The following CNTNAP5 variants were observed in gnomAD, a reference collection of about 807,000 sequenced individuals.
The protein encoded by CNTNAP5 is contactin associated protein family member 5, also known as contactin-associated protein-like 5.
A neutral mutation model predicts 150.2 loss-of-function variants in CNTNAP5; 72 were observed. The observed-to-expected ratio is 0.48, with a 90% CI of 0.40 to 0.58. The LOEUF is 0.58. Ranked by LOEUF, CNTNAP5 falls within the 20% of genes least tolerant of loss-of-function variation. CNTNAP5 has a pLI of 0.00. For missense variants in CNTNAP5, 1,636 were observed against 1,626.2 expected, an observed-to-expected ratio of 1.01 and a Z score of -0.10; for synonymous variants, 672 against 619.8, an observed-to-expected ratio of 1.08 and a Z score of -1.25.
chr2:124,177,118 G>A (rs1685084792), intron 1 of CNTNAP5, among the ~76,000 whole-genome samples: 1 of 152,100 alleles, frequency 6.6e-6, no homozygotes, highest in Admixed American at 6.5e-5. Context: ...AGATTGATGG[G>A]ACTATAGGTG....
intron 17 of CNTNAP5, among the ~76,000 whole-genome samples, chr2:124,785,193 G>T (rs1010734600): frequency 7.1e-4 from 108 of 152,228 alleles, no homozygotes; most frequent in Non-Finnish European, 7.4e-5. Context: ...TAGAGCAATA[G>T]GGGAAAAATT....
intron 13 of CNTNAP5, among the ~76,000 whole-genome samples, chr2:124,714,021 A>G (rs139215930): frequency 6.6e-6 from 1 of 152,224 alleles, no homozygotes; most frequent in Non-Finnish European, 1.5e-5. Context: ...TTTGGCCAAG[A>G]ATGTCTTTAG....
intron 1 of CNTNAP5, among the ~76,000 whole-genome samples, chr2:124,138,018 T>A (rs972020324): frequency 3.3e-5 from 5 of 152,072 alleles, no homozygotes; most frequent in Non-Finnish European, 7.4e-5. Context: ...CTTACCAAAA[T>A]TAGATTTCCT....
At chr2:124,050,905 G>A (rs1222305274) in intron 1 of CNTNAP5, among the ~76,000 whole-genome samples, 2 of 152,154 alleles carry the variant, frequency 1.3e-5, no homozygotes, top group African/African-American at 4.8e-5. Flanking sequence ...TTTCTTCAAA[G>A]TGTGTTAGTC....
intron 19 of CNTNAP5, among the ~76,000 whole-genome samples, chr2:124,804,407 C>T (rs1274110333): frequency 1.3e-5 from 2 of 152,144 alleles, no homozygotes; most frequent in Non-Finnish European, 1.5e-5. Context: ...GTTGTTTATG[C>T]TTTATTTTCT....
intron 3 of CNTNAP5, among the ~76,000 whole-genome samples, chr2:124,363,190 T>A (rs537923096): frequency 1.4e-4 from 21 of 152,338 alleles, no homozygotes; most frequent in African/African-American, 4.8e-4. Context: ...CTGAAAATCT[T>A]ATTTGATCAC....
At chr2:124,323,800 C>T (rs528687900) in intron 3 of CNTNAP5, among the ~76,000 whole-genome samples, 11 of 152,188 alleles carry the variant, frequency 7.2e-5, no homozygotes, top group African/African-American at 2.6e-4. Context: ...ATTTGATATT[C>T]CACCTTCAAT....
At chr2:124,820,308 CA>C (rs1473554667) in intron 19 of CNTNAP5, among the ~76,000 whole-genome samples, 1 of 151,840 alleles carries the variant, frequency 6.6e-6, no homozygotes, top group East Asian at 1.9e-4. Context: ...GTAAATGTCC[CA>C]GTACTACTGG....
chr2:124,866,859 T>C (rs917494510), intron 20 of CNTNAP5, among the ~76,000 whole-genome samples: 1 of 152,182 alleles, frequency 6.6e-6, no homozygotes, highest in African/African-American at 2.4e-5. Context: ...TCTTTACTTA[T>C]ACTGCTAACA....
intron 3 of CNTNAP5, among the ~76,000 whole-genome samples, chr2:124,289,182 T>G (rs1688224659): frequency 6.6e-6 from 1 of 152,214 alleles, no homozygotes; most frequent in Non-Finnish European, 1.5e-5. Context: ...GTGTCTGGTA[T>G]ATATATTTTA....
chr2:124,121,237 C>T (rs1242317170), intron 1 of CNTNAP5, among the ~76,000 whole-genome samples: 1 of 152,084 alleles, frequency 6.6e-6, no homozygotes, highest in Non-Finnish European at 1.5e-5. Context: ...AGTGAACACC[C>T]TTACTACCTC....
At chr2:124,400,677 T>G (rs201423055) in intron 3 of CNTNAP5, among the ~76,000 whole-genome samples, 1 of 90,620 alleles carries the variant, frequency 1.1e-5, no homozygotes, top group East Asian at 3.2e-4. Context: ...TTGTTTTTTT[T>G]TTTTTTTTTT....
intron 8 of CNTNAP5, among the ~76,000 whole-genome samples, chr2:124,516,511 GA>G (rs1370185987): frequency 6.6e-6 from 1 of 152,206 alleles, no homozygotes; most frequent in Non-Finnish European, 1.5e-5. Context: ...TAAATTTCCG[GA>G]AATTTTTAAG....
At chr2:124,425,639 T>A (rs56802811) in intron 4 of CNTNAP5, among the ~76,000 whole-genome samples, 28,522 of 152,084 alleles carry the variant, frequency 0.19, 2,981 homozygotes, top group East Asian at 0.5. Flanking sequence ...CTTAGAGTTC[T>A]ATTCCATTTC....
At chr2:124,553,277 G>A (rs1695672607) in intron 10 of CNTNAP5, among the ~76,000 whole-genome samples, 1 of 152,142 alleles carries the variant, frequency 6.6e-6, no homozygotes, top group Non-Finnish European at 1.5e-5. Flanking sequence ...GCCGAGGCAG[G>A]CAGATCTCCT....
intron 19 of CNTNAP5, among the ~76,000 whole-genome samples, chr2:124,833,281 C>A (rs1682757927): frequency 6.6e-6 from 1 of 152,092 alleles, no homozygotes; most frequent in African/African-American, 2.4e-5. Context: ...GTGTAAATAA[C>A]TAGCTGAATA....
At chr2:124,025,871 C>A in intron 1 of CNTNAP5, 139 bp downstream of exon 1, 1 of 749,114 alleles carries the variant, frequency 1.3e-6, no homozygotes, top group Non-Finnish European at 2.3e-6. Flanking sequence ...AGTGTGGTTC[C>A]ATCACTCCAA....
At chr2:124,598,822 C>A (rs1252504349) in intron 11 of CNTNAP5, among the ~76,000 whole-genome samples, 1 of 152,208 alleles carries the variant, frequency 6.6e-6, no homozygotes, top group African/African-American at 2.4e-5. Flanking sequence ...ACCCTCCGAG[C>A]CAGGTGTGGG....
intron 3 of CNTNAP5, among the ~76,000 whole-genome samples, chr2:124,249,745 A>C (rs955054815): frequency 1.3e-5 from 2 of 152,164 alleles, no homozygotes; most frequent in East Asian, 3.9e-4. Flanking sequence ...ACAATCACTC[A>C]TATTTGGCTC....
Sources: gnomAD v4.1 joint callset for allele counts (sites outside exome capture counted in the v4.1 genomes callset) on GRCh38, gnomAD v4.1.1 for gene constraint, MANE v1.5 for transcripts, NCBI Gene and HGNC (gene_info 2026-07-23, HGNC 2026-07-21) for gene names.